The following COBLL1 variants were observed in gnomAD, a reference collection of about 807,000 sequenced individuals.
COBLL1 encodes the protein cordon-bleu WH2 repeat protein like 1, also known as cordon-bleu protein-like 1.
A neutral mutation model predicts 94.8 loss-of-function variants in COBLL1; 50 were observed. The observed-to-expected ratio is 0.53, with a 90% CI of 0.42 to 0.67. COBLL1 has a LOEUF of 0.67. COBLL1 is among the 30% of genes least tolerant of loss of function. The pLI, the probability that COBLL1 is intolerant of heterozygous loss-of-function variation, is 0.00. For missense variants in COBLL1, 1,362 were observed against 1,348.7 expected (o/e 1.01, Z -0.15); for synonymous variants, 448 against 473.8 (o/e 0.95, Z 0.71).
At chr2:164,686,572 C>T (rs1380402693) in intron 13 of COBLL1, among the ~76,000 whole-genome samples, 1 of 150,970 alleles carries the variant, frequency 6.6e-6, no homozygotes, top group Non-Finnish European at 1.5e-5. Context: ...GACTGTTAAG[C>T]CAAATGACTG....
chr2:164,671,893 G>T (rs563891205), intron 1 of COBLL1, among the ~76,000 whole-genome samples: 2 of 152,160 alleles, frequency 1.3e-5, no homozygotes, highest in South Asian at 4.1e-4. Flanking sequence ...TTTCATTCTG[G>T]TTGGTTTAGT....
At chr2:164,672,770 G>C (rs143755173) in intron 1 of COBLL1, among the ~76,000 whole-genome samples, 27 of 151,062 alleles carry the variant, frequency 1.8e-4, no homozygotes, top group Middle Eastern at 3.4e-3. Context: ...CACAATATTG[G>C]TGTGATGATT....
chr2:164,800,148 G>C (rs1683690091), intron 2 of COBLL1, among the ~76,000 whole-genome samples: 1 of 152,162 alleles, frequency 6.6e-6, no homozygotes, highest in Non-Finnish European at 1.5e-5. Flanking sequence ...ACAAGCAACA[G>C]TCTAGGAGAA....
chr2:164,800,455 A>C, intron 2 of COBLL1: 8 of 658,326 alleles, frequency 1.2e-5, no homozygotes, highest in South Asian at 1.7e-5. Context: ...TAAAATTCTC[A>C]TGCACTCTTG....
At position 164,702,424 on chromosome 2, in the gene COBLL1, T is replaced by C. The variant is rs1684336261; in HGVS notation, c.1226-1668A>G. ...TAAAAATACAAAAAAATTAGCCAGG[T>C]GTGGTGGCGGGCGCCTGTAGTCCCA... On this transcript the variant is annotated intron_variant, in intron 9 of 13. Transcript: ENST00000652658. 2.0e-5 allele frequency among the ~76,000 whole-genome samples: 3 copies of C among 150,992 alleles called. No individual in the cohort carries two copies. In the South Asian group the frequency reaches 6.3e-4, roughly 32 times the overall value.
intron 2 of COBLL1, among the ~76,000 whole-genome samples, chr2:164,787,149 C>T (rs1682890023): frequency 6.6e-6 from 1 of 152,114 alleles, no homozygotes; most frequent in African/African-American, 2.4e-5. Flanking sequence ...TAAGCTTATC[C>T]TTCCTTAGTG....
In COBLL1 at chr2:164,778,393, G is replaced by C. The variant is rs893399338; in HGVS notation, c.42-34518C>G. Among the ~76,000 whole-genome samples the C allele has an allele frequency of 2.0e-5, 3 of 152,154 alleles. No homozygotes were observed. The South Asian group carries it at 6.2e-4, about 31-fold the overall frequency. ...AGGCCGGGGCAGGCAGATCACTTGA[G>C]GTCAGGAGTTCAAGACCAGCCTGGC... On this transcript the variant is annotated intron_variant, in intron 2 of 13. Coordinates refer to ENST00000652658, the MANE Select transcript of COBLL1 (RefSeq NM_001365672.2).
intron 7 of COBLL1, among the ~76,000 whole-genome samples, chr2:164,716,430 G>A (rs1483004722): frequency 6.6e-6 from 1 of 151,994 alleles, no homozygotes; most frequent in African/African-American, 2.4e-5. Flanking sequence ...TTTCTAATGG[G>A]AAAGTTTTCT....
intron 2 of COBLL1, among the ~76,000 whole-genome samples, chr2:164,829,485 G>C (rs1264258838): frequency 1.3e-5 from 2 of 152,046 alleles, no homozygotes; most frequent in African/African-American, 4.8e-5. Flanking sequence ...AGCAAAGCAT[G>C]CATCTACTTA....
In COBLL1 at chr2:164,717,602, G is replaced by A. The variant is rs559948075; in HGVS notation, c.996+4473C>T. On this transcript the variant is annotated intron_variant, in intron 7 of 13. Transcript: ENST00000652658. ...ACAGTCTCACCCTGTCACCCAGGCC[G>A]GAGTGCAGTGGTGAGATCACAGCTC... Among the ~76,000 whole-genome samples the A allele has an allele frequency of 1.0e-3, 156 of 152,238 alleles. 1 individual carries two copies. The highest frequency in any genetic ancestry group is 3.5e-3 in the African/African-American group (144 of 41,540).
intron 2 of COBLL1, among the ~76,000 whole-genome samples, chr2:164,745,342 C>A (rs1686808973): frequency 1.3e-5 from 2 of 152,054 alleles, no homozygotes; most frequent in African/African-American, 4.8e-5. Flanking sequence ...TTTACAAGAG[C>A]AACAAAACTA....
At chr2:164,658,763 T>C (rs1691021760) in intron 2 of COBLL1, among the ~76,000 whole-genome samples, 1 of 152,190 alleles carries the variant, frequency 6.6e-6, no homozygotes, top group Non-Finnish European at 1.5e-5. Context: ...TGGCTAGCCA[T>C]CCTGAGGGGA....
At chr2:164,714,358 T>C (rs561609214) in intron 7 of COBLL1, among the ~76,000 whole-genome samples, 38 of 124,898 alleles carry the variant, frequency 3.0e-4, no homozygotes, top group African/African-American at 1.1e-3. Context: ...AGCTCAATGG[T>C]ACATCTTGGA....
intron 3 of COBLL1, among the ~76,000 whole-genome samples, chr2:164,731,430 G>A (rs1686006149): frequency 6.6e-6 from 1 of 152,098 alleles, no homozygotes. Flanking sequence ...TGTTGACACA[G>A]ACTTATATTT....
intron 2 of COBLL1, among the ~76,000 whole-genome samples, chr2:164,837,778 A>G (rs1383509607): frequency 1.3e-5 from 2 of 152,176 alleles, no homozygotes; most frequent in African/African-American, 2.4e-5. Flanking sequence ...AACTGTTGTG[A>G]CTCAATGTCT....
intron 2 of COBLL1, among the ~76,000 whole-genome samples, chr2:164,809,661 TTAAAG>T (rs1684363985): frequency 6.6e-6 from 1 of 152,032 alleles, no homozygotes; most frequent in Non-Finnish European, 1.5e-5. Flanking sequence ...AGCTGTCGAA[TTAAAG>T]TGACTATTAG....
chr2:164,754,300 G>T (rs908057488), intron 2 of COBLL1, among the ~76,000 whole-genome samples: 1 of 152,126 alleles, frequency 6.6e-6, no homozygotes, highest in Non-Finnish European at 1.5e-5. Flanking sequence ...GCTTCCTTGT[G>T]CAGTCTCCTC....
At chr2:164,725,185 A>G (rs1187359953) in intron 5 of COBLL1, among the ~76,000 whole-genome samples, 1 of 148,990 alleles carries the variant, frequency 6.7e-6, no homozygotes, top group Non-Finnish European at 1.5e-5. Flanking sequence ...CTATAAGTGA[A>G]CAGAGAGTTT....
At chr2:164,686,107 T>TA in intron 13 of COBLL1, 75 bp from the exon 14 acceptor site, 1 of 654,694 alleles carries the variant, frequency 1.5e-6, no homozygotes, top group Admixed American at 2.8e-5. Flanking sequence ...TTTCAACAGT[T>TA]ACCACATTTT....
Sources: gnomAD v4.1 joint callset for allele counts (sites outside exome capture counted in the v4.1 genomes callset) on GRCh38, gnomAD v4.1.1 for gene constraint, MANE v1.5 for transcripts, NCBI Gene and HGNC (gene_info 2026-07-23, HGNC 2026-07-21) for gene names.